The following CTNND2 variants were observed in gnomAD, a reference collection of about 807,000 sequenced individuals.
The protein encoded by CTNND2 is catenin delta-2.
In CTNND2, 22 loss-of-function variants were observed where a neutral mutation model predicts 144.4. That is an observed-to-expected ratio of 0.15 (90% CI 0.11 to 0.22). CTNND2 has a LOEUF of 0.22. Among genes scored for constraint, CTNND2 ranks in the 10% least tolerant of loss-of-function variants. The probability of loss-of-function intolerance (pLI) is 1.00; values close to 1 mark genes in which losing one functional copy is unlikely to be tolerated. For synonymous variants in CTNND2, 751 were observed against 695.6 expected (o/e 1.08, Z -1.25); for missense variants, 1,353 against 1,618.8 (o/e 0.84, Z 2.82).
intron 1 of CTNND2, among the ~76,000 whole-genome samples, chr5:11,884,713 A>G (rs1736390100): frequency 6.6e-6 from 1 of 152,112 alleles, no homozygotes; most frequent in Middle Eastern, 3.2e-3. Context: ...AAAAAGTAGA[A>G]AAAGTGGGTA....
In CTNND2 at chr5:11,357,070, T is replaced by C. The variant is rs529156330; in HGVS notation, c.1372+7626A>G. 9.2e-5 allele frequency among the ~76,000 whole-genome samples: 14 copies of C among 152,218 alleles called. No individual in the cohort carries two copies. In the East Asian group the frequency reaches 2.7e-3, roughly 29 times the overall value. ...TGGAGAAAAGGGTGCACTTATATAC[T>C]GCTCATGGTATTATAAACTAGTTAA... On this transcript the variant is annotated intron_variant, in intron 8 of 21. Transcript: ENST00000304623.
chr5:11,897,784 C>A (rs1737513025), intron 1 of CTNND2, among the ~76,000 whole-genome samples: 1 of 152,138 alleles, frequency 6.6e-6, no homozygotes, highest in South Asian at 2.1e-4. Flanking sequence ...GCTCAACTAC[C>A]AAGCAAAGTA....
intron 2 of CTNND2, among the ~76,000 whole-genome samples, chr5:11,625,232 T>C (rs951204324): frequency 1.3e-5 from 2 of 152,102 alleles, no homozygotes; most frequent in African/African-American, 4.8e-5. Flanking sequence ...ACTAACTCTC[T>C]TGTTAGAATG....
intron 8 of CTNND2, among the ~76,000 whole-genome samples, chr5:11,362,116 C>A (rs1756512156): frequency 6.6e-6 from 1 of 152,272 alleles, no homozygotes; most frequent in Admixed American, 6.5e-5. Context: ...TTTAGGCCTG[C>A]AAACCTCTTA....
intron 3 of CTNND2, among the ~76,000 whole-genome samples, chr5:11,484,164 GT>G (rs1768573932): frequency 6.6e-6 from 1 of 152,128 alleles, no homozygotes; most frequent in Admixed American, 6.6e-5. Flanking sequence ...TGACTGAGCT[GT>G]TCTCCAGGAC....
intron 7 of CTNND2, among the ~76,000 whole-genome samples, chr5:11,371,152 C>T (rs1561291461): frequency 1.3e-5 from 2 of 152,170 alleles, no homozygotes; most frequent in Non-Finnish European, 1.5e-5. Flanking sequence ...AGGTCAGCAT[C>T]GCTAGGCAAC....
intron 9 of CTNND2, among the ~76,000 whole-genome samples, chr5:11,334,405 T>C (rs903646608): frequency 6.6e-6 from 1 of 152,218 alleles, no homozygotes; most frequent in African/African-American, 2.4e-5. Context: ...ATTGTGGGTT[T>C]CTAAGTCAGT....
intron 8 of CTNND2, among the ~76,000 whole-genome samples, chr5:11,352,910 A>G (rs1755471111): frequency 6.6e-6 from 1 of 152,202 alleles, no homozygotes; most frequent in Non-Finnish European, 1.5e-5. Context: ...TTAATAAAAA[A>G]GGAAAGAAAA....
intron 1 of CTNND2, among the ~76,000 whole-genome samples, chr5:11,784,263 T>C (rs1258785405): frequency 6.6e-6 from 1 of 152,164 alleles, no homozygotes; most frequent in Non-Finnish European, 1.5e-5. Flanking sequence ...TGGGAAAATA[T>C]AAGAGAAATG....
chr5:11,394,942 G>C (rs32043), intron 6 of CTNND2, among the ~76,000 whole-genome samples: 51,912 of 151,946 alleles, frequency 0.34, 10,529 homozygotes, highest in East Asian at 0.54. Flanking sequence ...ATTGATTATT[G>C]ACCATACTCA....
At chr5:11,169,821 T>C (rs781566658) in intron 11 of CTNND2, among the ~76,000 whole-genome samples, 1 of 152,202 alleles carries the variant, frequency 6.6e-6, no homozygotes, top group Non-Finnish European at 1.5e-5. Flanking sequence ...TTAAAGAGCA[T>C]CTTGGGTTCT....
intron 9 of CTNND2, among the ~76,000 whole-genome samples, chr5:11,336,627 G>C (rs1753750903): frequency 3.3e-5 from 5 of 152,070 alleles, no homozygotes; most frequent in Admixed American, 2.6e-4. Flanking sequence ...TGCATGCAGA[G>C]CCAATAAACA....
chr5:11,525,472 T>A (rs1049015230), intron 3 of CTNND2, among the ~76,000 whole-genome samples: 1 of 152,170 alleles, frequency 6.6e-6, no homozygotes, highest in African/African-American at 2.4e-5. Flanking sequence ...AACATTTTGA[T>A]TCAGATCTCA....
At chr5:11,247,081 T>C (rs1324534852) in intron 9 of CTNND2, among the ~76,000 whole-genome samples, 4 of 152,164 alleles carry the variant, frequency 2.6e-5, no homozygotes, top group Non-Finnish European at 4.4e-5. Flanking sequence ...TTGACTCTCA[T>C]AAACTGCAGG....
At chr5:11,179,438 T>G (rs185151378) in intron 11 of CTNND2, among the ~76,000 whole-genome samples, 3 of 152,276 alleles carry the variant, frequency 2.0e-5, no homozygotes, top group Admixed American at 1.3e-4. Context: ...CATATTTATC[T>G]CGAACTCCTG....
intron 20 of CTNND2, chr5:10,986,693 C>T (rs1298030835): frequency 1.1e-5 from 5 of 456,102 alleles, no homozygotes; most frequent in Non-Finnish European, 1.8e-5. Context: ...TCAGGAGCAG[C>T]GCTGAGGTGT....
At chr5:11,167,993 A>G (rs1490766286) in intron 11 of CTNND2, among the ~76,000 whole-genome samples, 1 of 151,948 alleles carries the variant, frequency 6.6e-6, no homozygotes, top group African/African-American at 2.4e-5. Flanking sequence ...GGCAGGAGCC[A>G]CTATGCCTGA....
chr5:11,161,877 T>G (rs970631785), intron 11 of CTNND2, among the ~76,000 whole-genome samples: 18 of 152,046 alleles, frequency 1.2e-4, no homozygotes, highest in Admixed American at 5.2e-4. Context: ...GCAGGCAGGG[T>G]GCAATGGCTC....
intron 3 of CTNND2, among the ~76,000 whole-genome samples, chr5:11,561,439 G>A (rs1776675665): frequency 6.6e-6 from 1 of 152,202 alleles, no homozygotes; most frequent in South Asian, 2.1e-4. Context: ...CTTCTTTCCA[G>A]ATGACTCAGA....
Sources: gnomAD v4.1 joint callset for allele counts (sites outside exome capture counted in the v4.1 genomes callset) on GRCh38, gnomAD v4.1.1 for gene constraint, MANE v1.5 for transcripts, NCBI Gene and HGNC (gene_info 2026-07-23, HGNC 2026-07-21) for gene names.